Variants in DAG1 observed in about 807,000 individuals in gnomAD.
DAG1 encodes dystroglycan 1.
Under a neutral mutation model 46.1 loss-of-function variants are expected in DAG1, and 8 were observed. The ratio of observed to expected loss-of-function variants is 0.17; its 90% CI spans 0.10 to 0.31. The LOEUF (loss-of-function observed/expected upper bound fraction) is 0.31, where lower values mean the gene tolerates loss of function less well. DAG1 is among the 10% of genes least tolerant of loss of function. The probability of loss-of-function intolerance (pLI) is 1.00; values close to 1 mark genes in which losing one functional copy is unlikely to be tolerated. For synonymous variants in DAG1, 495 were observed against 481.8 expected, an observed-to-expected ratio of 1.03 and a Z score of -0.36; for missense variants, 1,003 against 1,189.9, an observed-to-expected ratio of 0.84 and a Z score of 2.31.
rs149041516 is a variant in DAG1 at position 49,480,667 on chromosome 3, A to C, written c.-117+10234A>C. On this transcript the variant is annotated intron_variant, in intron 1 of 2. Transcript: ENST00000308775. ...GTTCTTTTTTTTTGTTTTTCTTCTT[A>C]TTATTTGTTTTAGCTATTTCCTACA... is the stretch of plus-strand genomic sequence containing the variant. 3.7e-3 allele frequency among the ~76,000 whole-genome samples: 505 copies of C among 135,244 alleles called. 62 individuals carry two copies. The highest frequency in any genetic ancestry group is 0.016 in the East Asian group (79 of 4,912). 88.7% of individuals were successfully genotyped at this position (135,244 alleles called of 152,430 possible).
intron 1 of DAG1, among the ~76,000 whole-genome samples, chr3:49,502,475 A>G (rs2050478881): frequency 6.6e-6 from 1 of 152,110 alleles, no homozygotes; most frequent in Non-Finnish European, 1.5e-5. Flanking sequence ...CTGCGGAGGA[A>G]TGGGTCTGAA....
chr3:49,490,751 G>A (rs2050159793), intron 1 of DAG1, among the ~76,000 whole-genome samples: 2 of 151,464 alleles, frequency 1.3e-5, no homozygotes, highest in South Asian at 4.2e-4. Context: ...GTATTTTTTT[G>A]TAGAGATGGG....
chr3:49,504,567 C>CTTTTT (rs55662849), intron 1 of DAG1, among the ~76,000 whole-genome samples: 1 of 49,700 alleles, frequency 2.0e-5, no homozygotes, highest in African/African-American at 8.4e-5. Flanking sequence ...CCAATACAGT[C>CTTTTT]TTTTTTTTTT....
At chr3:49,506,952 A>G (rs968442524) in intron 1 of DAG1, among the ~76,000 whole-genome samples, 5 of 152,002 alleles carry the variant, frequency 3.3e-5, no homozygotes, top group Admixed American at 2.0e-4. Context: ...ATTTCTAAAA[A>G]AGAAAAATGA....
chr3:49,504,109 T>C (rs1254660656), intron 1 of DAG1, among the ~76,000 whole-genome samples: 2 of 152,214 alleles, frequency 1.3e-5, no homozygotes, highest in Admixed American at 6.5e-5. Flanking sequence ...GGATATTTTA[T>C]GTTGTCCTTT....
chr3:49,477,286 C>T (rs774649784), intron 1 of DAG1, among the ~76,000 whole-genome samples: 14 of 151,942 alleles, frequency 9.2e-5, no homozygotes, highest in Non-Finnish European at 1.5e-4. Context: ...GGTGAGCCAC[C>T]GCTGCCCAGC....
intron 2 of DAG1, among the ~76,000 whole-genome samples, chr3:49,530,407 G>T (rs1450261232): frequency 2.0e-5 from 3 of 152,208 alleles, no homozygotes; most frequent in African/African-American, 7.2e-5. Context: ...GGAAAGGAAT[G>T]CTGAGGGCTG....
At chr3:49,521,106 G>A (rs1328686431) in intron 2 of DAG1, among the ~76,000 whole-genome samples, 3 of 151,830 alleles carry the variant, frequency 2.0e-5, no homozygotes, top group Non-Finnish European at 1.5e-5. Flanking sequence ...CTGGCTTGGG[G>A]TGAGAGACTT....
At chr3:49,502,801 G>A (rs62261203) in intron 1 of DAG1, among the ~76,000 whole-genome samples, 1 of 151,890 alleles carries the variant, frequency 6.6e-6, no homozygotes, top group South Asian at 2.1e-4. Context: ...ACCACACCTG[G>A]CTAATTTTTG....
chr3:49,507,811 T>G (rs538860591), intron 1 of DAG1, among the ~76,000 whole-genome samples: 1 of 152,078 alleles, frequency 6.6e-6, no homozygotes, highest in South Asian at 2.1e-4. Context: ...GACTTCTGTC[T>G]TAAAAAAAAA....
intron 2 of DAG1, among the ~76,000 whole-genome samples, chr3:49,527,352 G>A (rs1416531398): frequency 2.6e-5 from 4 of 152,046 alleles, no homozygotes; most frequent in South Asian, 2.1e-4. Flanking sequence ...GTGAAACCCC[G>A]TCTCTACTAA....
At chr3:49,526,538 A>G (rs1292550635) in intron 2 of DAG1, among the ~76,000 whole-genome samples, 2 of 151,988 alleles carry the variant, frequency 1.3e-5, no homozygotes, top group African/African-American at 4.8e-5. Context: ...GCGAAATCCC[A>G]TCTCTAAAAA....
chr3:49,472,537 G>A (rs570266055), intron 1 of DAG1, among the ~76,000 whole-genome samples: 3 of 152,168 alleles, frequency 2.0e-5, no homozygotes, highest in Non-Finnish European at 4.4e-5. Flanking sequence ...GCCGGGCATG[G>A]TGGCTCCCAC....
chr3:49,531,197 C>G lies in DAG1; in HGVS notation c.686C>G (p.Pro229Arg), dbSNP rs757598558. ...GAGCTTCACAACATGAAATTAGTGC[C>G]GGTGGTGAATAACAGACTATTTGAC... is the stretch of plus-strand genomic sequence containing the variant. ...EVELHNMKLV[P>R]VVNNRLFDMS... is the part of the protein sequence containing the mutation. The change falls in exon 3 of 3, where the codon CCG becomes CGG. Residue 229 changes from proline (P) to arginine (R), a missense_variant. By Grantham distance (103) the Pro-to-Arg change is moderately radical. Around this residue, in one of 3 missense-constraint regions of DAG1, gnomAD observed 52 missense variants for 96.7 expected, o/e 0.54. Transcript: ENST00000308775. This position sits in a 1 kb window ranked among gnomAD's most constrained non-coding sequence, Gnocchi z 7.0. 1.2e-6 allele frequency: 2 copies of G among 1,614,088 alleles called. No individual in the cohort carries two copies. Among genetic ancestry groups the G allele is most frequent in the South Asian group, 2.2e-5 (2 of 91,072 alleles).
chr3:49,491,035 C>T (rs188175050), intron 1 of DAG1, among the ~76,000 whole-genome samples: 3 of 151,960 alleles, frequency 2.0e-5, no homozygotes, highest in Admixed American at 2.0e-4. Context: ...TACAGGCGCG[C>T]ACTACTACGC....
chr3:49,470,522 G>C (rs1273228451), intron 1 of DAG1, 89 bp downstream of exon 1: 1 of 152,646 alleles, frequency 6.6e-6, no homozygotes, highest in East Asian at 1.9e-4. Flanking sequence ...AACACCTGCT[G>C]CTGCTCGCTG....
chr3:49,497,244 C>T (rs902498442), intron 1 of DAG1, among the ~76,000 whole-genome samples: 4 of 151,930 alleles, frequency 2.6e-5, no homozygotes, highest in Non-Finnish European at 5.9e-5. Context: ...CAAGACCAGC[C>T]TGGCTAACAT....
intron 1 of DAG1, among the ~76,000 whole-genome samples, chr3:49,503,096 C>T (rs1302564953): frequency 6.6e-6 from 1 of 152,130 alleles, no homozygotes. Context: ...CATGCGTATG[C>T]CATCTCTCCA....
intron 1 of DAG1, among the ~76,000 whole-genome samples, chr3:49,506,074 G>A (rs1449741179): frequency 6.6e-6 from 1 of 151,170 alleles, no homozygotes; most frequent in Admixed American, 6.6e-5. Context: ...CCGCCTCCTG[G>A]GTTCAAGCGA....
Sources: gnomAD v4.1 joint callset for allele counts (sites outside exome capture counted in the v4.1 genomes callset) on GRCh38, gnomAD v4.1.1 for gene constraint, gnomAD v4.1.1 regional missense constraint, Gnocchi (gnomAD v3.1) non-coding constraint, MANE v1.5 for transcripts, NCBI Gene and HGNC (gene_info 2026-07-23, HGNC 2026-07-21) for gene names.